OR3A2: variants seen among roughly 807,000 people sequenced by gnomAD.
OR3A2 encodes olfactory receptor 3A2.
For synonymous variants in OR3A2, 126 were observed against 159.3 expected, an observed-to-expected ratio of 0.79 and a Z score of 1.57; for missense variants, 318 against 392.8, an observed-to-expected ratio of 0.81 and a Z score of 1.61.
intron 3 of OR3A2, among the ~76,000 whole-genome samples, chr17:3,321,119 G>A (rs1457538274): frequency 6.6e-6 from 1 of 151,916 alleles, no homozygotes; most frequent in African/African-American, 2.4e-5. Context: ...GGATTCCTAG[G>A]TATTTTATTC....
intron 3 of OR3A2, among the ~76,000 whole-genome samples, chr17:3,318,345 T>C (rs2049093410): frequency 6.6e-6 from 1 of 152,070 alleles, no homozygotes; most frequent in Non-Finnish European, 1.5e-5. Context: ...CCTTAGAGAG[T>C]GGAAGAGGCC....
intron 3 of OR3A2, among the ~76,000 whole-genome samples, chr17:3,332,784 T>C (rs2049248784): frequency 6.6e-6 from 1 of 152,242 alleles, no homozygotes; most frequent in East Asian, 1.9e-4. Flanking sequence ...TTCATGGACA[T>C]TTATCAGTTC....
intron 3 of OR3A2, among the ~76,000 whole-genome samples, chr17:3,305,606 CTAAG>C (rs10522557): frequency 0.46 from 69,916 of 151,670 alleles, 17,615 homozygotes; most frequent in East Asian, 0.95. Flanking sequence ...AAATTGAAAA[CTAAG>C]TATGCAATGG....
At chr17:3,354,660 G>A (rs957748693) in intron 2 of OR3A2, among the ~76,000 whole-genome samples, 1 of 150,804 alleles carries the variant, frequency 6.6e-6, no homozygotes, top group Admixed American at 6.6e-5. Flanking sequence ...TTTTTTCTTA[G>A]TCTGGCTAAA....
intron 2 of OR3A2, among the ~76,000 whole-genome samples, chr17:3,362,681 T>C (rs2049528580): frequency 6.6e-6 from 1 of 151,752 alleles, no homozygotes; most frequent in African/African-American, 2.4e-5. Context: ...ATGTACCCAG[T>C]AGTCATTCAG....
At chr17:3,367,208 C>T (rs1414474507) in intron 2 of OR3A2, among the ~76,000 whole-genome samples, 1 of 152,266 alleles carries the variant, frequency 6.6e-6, no homozygotes, top group East Asian at 1.9e-4. Context: ...ACAGCTCAGA[C>T]TCAGTTGTTT....
intron 2 of OR3A2, among the ~76,000 whole-genome samples, chr17:3,349,755 A>G (rs1256338925): frequency 6.6e-6 from 1 of 151,540 alleles, no homozygotes; most frequent in East Asian, 1.9e-4. Context: ...CACCACACCT[A>G]TTCCAAAATT....
intron 2 of OR3A2, among the ~76,000 whole-genome samples, chr17:3,380,589 T>A (rs2049726252): frequency 6.6e-6 from 1 of 152,194 alleles, no homozygotes; most frequent in Non-Finnish European, 1.5e-5. Context: ...ACAGTTAAGA[T>A]GTTTGAATAC....
In OR3A2 at chr17:3,280,273, AT is replaced by A. The variant is rs200615690; in HGVS notation, c.-6-1351del. On this transcript the variant is annotated intron_variant, in intron 1 of 1. Coordinates refer to ENST00000642052, the Ensembl canonical transcript of OR3A2. The stretch of plus-strand genomic sequence containing the variant: ...AAACCACGCTGAAGTCATTTTTCAG[AT>A]TTTTTTTTTTTTTTTGAGACAGAGT... Among the ~76,000 whole-genome samples, 771 of 141,068 alleles carry A rather than the reference AT, an allele frequency of 5.5e-3. 1 individual carries two copies. The highest frequency in any genetic ancestry group is 9.1e-3 in the East Asian group (44 of 4,844). The allele number at this position is 141,068 out of a possible 152,430, so 92.5% of individuals were successfully genotyped here. A position where few individuals can be genotyped will look rare whatever the true frequency, so the allele number is the denominator to read the frequency against.
chr17:3,283,837 G>T lies in OR3A2; in HGVS notation c.-7+521C>A, dbSNP rs1474143007. Among the ~76,000 whole-genome samples the T allele has an allele frequency of 5.3e-5, 8 of 150,492 alleles. No homozygotes were observed. The East Asian group carries it at 1.6e-3, about 29-fold the overall frequency. On this transcript the variant is annotated intron_variant, in intron 1 of 1. Coordinates refer to ENST00000642052, the Ensembl canonical transcript of OR3A2. ...TCAGGGGTAGAAGAACCACTAAACA[G>T]CTGTTGCCAACCCTCAGACAGCTAG...
chr17:3,297,883 T>C (rs567707995), intron 3 of OR3A2, among the ~76,000 whole-genome samples: 1 of 152,156 alleles, frequency 6.6e-6, no homozygotes, highest in South Asian at 2.1e-4. Flanking sequence ...TTGATACGAT[T>C]TAAGGGAGGT....
intron 3 of OR3A2, among the ~76,000 whole-genome samples, chr17:3,321,205 G>C (rs12939345): frequency 0.67 from 100,081 of 149,614 alleles, 34,817 homozygotes; most frequent in East Asian, 1. Context: ...TGTAAGAATG[G>C]GTGTGATTTT....
At chr17:3,352,691 A>T (rs1016533209) in intron 2 of OR3A2, among the ~76,000 whole-genome samples, 6 of 151,946 alleles carry the variant, frequency 3.9e-5, no homozygotes, top group Admixed American at 6.6e-5. Context: ...TAATTCTTCC[A>T]GTTTTGTTCT....
chr17:3,324,919 T>C (rs896132043), intron 3 of OR3A2, among the ~76,000 whole-genome samples: 21 of 152,112 alleles, frequency 1.4e-4, no homozygotes, highest in African/African-American at 5.1e-4. Flanking sequence ...ATTTTCCTTA[T>C]TAAATCTGTC....
chr17:3,303,197 T>C (rs1209869791), intron 3 of OR3A2, among the ~76,000 whole-genome samples: 1 of 152,216 alleles, frequency 6.6e-6, no homozygotes, highest in African/African-American at 2.4e-5. Context: ...GTGATACTTA[T>C]ACTGAAGAGT....
chr17:3,305,785 T>C lies in OR3A2; in HGVS notation c.-84-26632A>G, dbSNP rs149619452. Reference sequence around the variant, plus strand: ...TGTAATAAAATTCTATTAAATATCATACCTTTTGTAAACCACAAATGATTA... The same window carrying C: ...TGTAATAAAATTCTATTAAATATCACACCTTTTGTAAACCACAAATGATTA... On this transcript the variant is annotated intron_variant, in intron 3 of 4. Transcript: ENST00000573491. Among the ~76,000 whole-genome samples the C allele has an allele frequency of 1.2e-3, 187 of 152,376 alleles. 1 individual carries two copies. The highest frequency in any genetic ancestry group is 3.4e-4 in the Non-Finnish European group (23 of 68,042).
intron 3 of OR3A2, among the ~76,000 whole-genome samples, chr17:3,316,691 T>G (rs2049084545): frequency 6.6e-6 from 1 of 152,220 alleles, no homozygotes; most frequent in Admixed American, 6.5e-5. Flanking sequence ...ACTTCACAGA[T>G]GACAGATTCG....
chr17:3,381,024 T>C (rs777734954), intron 2 of OR3A2, among the ~76,000 whole-genome samples: 2 of 152,206 alleles, frequency 1.3e-5, no homozygotes, highest in African/African-American at 2.4e-5. Context: ...TGCATGTGTA[T>C]GTGGCATATA....
chr17:3,287,872 A>G (rs1361352622), upstream of OR3A2, among the ~76,000 whole-genome samples: 1 of 151,686 alleles, frequency 6.6e-6, no homozygotes, highest in African/African-American at 2.4e-5. Context: ...GCTTATATTA[A>G]ATTTTATAAT....
Sources: allele counts gnomAD v4.1 joint callset (sites outside exome capture counted in the v4.1 genomes callset), GRCh38; gene constraint gnomAD v4.1.1; transcripts MANE v1.5; gene names NCBI Gene and HGNC (gene_info 2026-07-23, HGNC 2026-07-21).